DPP6: variants seen among roughly 807,000 people sequenced by gnomAD.
DPP6 encodes the protein dipeptidyl peptidase like 6, also known as A-type potassium channel modulatory protein DPP6.
In DPP6, 69 loss-of-function variants were observed where a neutral mutation model predicts 122.6. The ratio of observed to expected loss-of-function variants is 0.56; its 90% CI spans 0.46 to 0.69. DPP6 has a LOEUF of 0.69. Ranked by LOEUF, DPP6 falls within the 30% of genes least tolerant of loss-of-function variation. The pLI is 0.00. For synonymous variants in DPP6, 418 were observed against 433.1 expected, an observed-to-expected ratio of 0.97 and a Z score of 0.43; for missense variants, 928 against 1,116.9, an observed-to-expected ratio of 0.83 and a Z score of 2.41.
intron 1 of DPP6, among the ~76,000 whole-genome samples, chr7:154,177,067 C>T (rs1213779927): frequency 6.6e-6 from 1 of 152,138 alleles, no homozygotes; most frequent in Admixed American, 6.5e-5. Flanking sequence ...CTCCTGGGCT[C>T]AAGCGATTCT....
intron 17 of DPP6, among the ~76,000 whole-genome samples, chr7:154,859,763 A>AC (rs897520677): frequency 6.6e-6 from 1 of 152,206 alleles, no homozygotes; most frequent in Non-Finnish European, 1.5e-5. Context: ...GGATAAAAAA[A>AC]CCAACAAAAT....
At chr7:154,576,613 T>C (rs1831691364) in intron 5 of DPP6, among the ~76,000 whole-genome samples, 1 of 152,012 alleles carries the variant, frequency 6.6e-6, no homozygotes, top group African/African-American at 2.4e-5. Flanking sequence ...AGAGTGATGG[T>C]GGAGGAGTGG....
chr7:154,278,459 G>C (rs991329910), intron 1 of DPP6, among the ~76,000 whole-genome samples: 1 of 152,210 alleles, frequency 6.6e-6, no homozygotes, highest in Non-Finnish European at 1.5e-5. Flanking sequence ...ACTGCATCTT[G>C]ACGATGCAAA....
chr7:154,585,156 A>G (rs772838139), intron 5 of DPP6, among the ~76,000 whole-genome samples: 1 of 152,176 alleles, frequency 6.6e-6, no homozygotes, highest in Non-Finnish European at 1.5e-5. Context: ...AGGTCATATA[A>G]ATGGCATCAA....
chr7:154,800,720 C>T (rs956622814), intron 12 of DPP6, among the ~76,000 whole-genome samples: 1 of 152,172 alleles, frequency 6.6e-6, no homozygotes, highest in African/African-American at 2.4e-5. Flanking sequence ...CGAGGTGGAG[C>T]GTGTCCCTGG....
chr7:154,033,123 AAGCATTTATTTGCCCAGT>A (rs1350778548), intron 1 of DPP6, among the ~76,000 whole-genome samples: 35 of 152,188 alleles, frequency 2.3e-4, no homozygotes, highest in African/African-American at 5.5e-4. Context: ...AAAATCATAA[AAGCATTTATTTGCCCAGT>A]ACCCCACAAG....
chr7:153,917,271 T>A (rs1374488204), intron 1 of DPP6, among the ~76,000 whole-genome samples: 10 of 152,228 alleles, frequency 6.6e-5, no homozygotes, highest in Non-Finnish European at 2.9e-5. Flanking sequence ...ACAGTGCCTA[T>A]CACAGTTGGC....
intron 1 of DPP6, among the ~76,000 whole-genome samples, chr7:154,368,222 G>A (rs998414646): frequency 2.0e-5 from 3 of 152,290 alleles, no homozygotes; most frequent in Admixed American, 6.5e-5. Context: ...CGACTACTGC[G>A]ATGTATGCCA....
At chr7:154,329,386 T>C (rs1563489003) in intron 1 of DPP6, among the ~76,000 whole-genome samples, 2 of 152,234 alleles carry the variant, frequency 1.3e-5, no homozygotes, top group African/African-American at 4.8e-5. Flanking sequence ...GTTGGCTGCA[T>C]AAATGTCTTC....
chr7:154,154,903 CAG>C (rs1796607164), intron 1 of DPP6, among the ~76,000 whole-genome samples: 1 of 152,134 alleles, frequency 6.6e-6, no homozygotes, highest in African/African-American at 2.4e-5. Flanking sequence ...GGCAGAGAGA[CAG>C]ATGCCATTTT....
At position 153,888,554 on chromosome 7, in the gene DPP6, C is replaced by T. The variant is rs1799047398; in HGVS notation, c.51+820C>T. Among the ~76,000 whole-genome samples the T allele has an allele frequency of 2.0e-5, 3 of 152,226 alleles. 1 individual carries two copies. The South Asian group carries it at 6.2e-4, about 31-fold the overall frequency. ...AGTCCGGGGCACGGGGCCGAGGGGTCAGGGCGCTGGAGTCTCTGGCGAGGA... is the reference window on the plus strand; with the variant it reads ...AGTCCGGGGCACGGGGCCGAGGGGTTAGGGCGCTGGAGTCTCTGGCGAGGA... On this transcript the variant is annotated intron_variant, in intron 1 of 25. Transcript: ENST00000404039.
chr7:154,840,562 G>A (rs1056221440), intron 16 of DPP6, among the ~76,000 whole-genome samples: 39 of 152,128 alleles, frequency 2.6e-4, no homozygotes, highest in African/African-American at 4.8e-5. Context: ...GCGTTGTCTC[G>A]GGAAGCTGAG....
intron 5 of DPP6, 73 bp downstream of exon 5, chr7:154,566,989 G>C: frequency 9.0e-7 from 1 of 1,107,676 alleles, no homozygotes; most frequent in Non-Finnish European, 1.3e-6. Context: ...ATATTTCCTT[G>C]ACTCTTCTAT....
At chr7:153,832,131 T>C in the DPP6 span, among the ~76,000 whole-genome samples, 1 of 152,214 alleles carries the variant, frequency 6.6e-6, no homozygotes, top group East Asian at 1.9e-4. Flanking sequence ...ATATTATATC[T>C]GTTCTTCCTC....
chr7:154,001,262 A>G (rs1275255806), intron 1 of DPP6, among the ~76,000 whole-genome samples: 12 of 150,692 alleles, frequency 8.0e-5, no homozygotes, highest in African/African-American at 2.7e-4. Context: ...ATGTTTTCCT[A>G]ACATGCCTGG....
the DPP6 span, among the ~76,000 whole-genome samples, chr7:153,805,685 A>C: frequency 1.3e-5 from 2 of 152,196 alleles, no homozygotes; most frequent in African/African-American, 4.8e-5. Context: ...AAAAATCATA[A>C]GTTCATGTCC....
chr7:154,689,608 A>G (rs972306603), intron 7 of DPP6, among the ~76,000 whole-genome samples: 1 of 152,078 alleles, frequency 6.6e-6, no homozygotes, highest in African/African-American at 2.4e-5. Flanking sequence ...CATGGGTGAA[A>G]TTCGTCTACA....
intron 16 of DPP6, among the ~76,000 whole-genome samples, chr7:154,839,711 G>T (rs1311085199): frequency 6.6e-6 from 1 of 152,222 alleles, no homozygotes; most frequent in Non-Finnish European, 1.5e-5. Context: ...AGGTTTAGCA[G>T]GAAGACTGGG....
At chr7:154,843,069 TA>T (rs1227600458) in intron 16 of DPP6, among the ~76,000 whole-genome samples, 7 of 152,352 alleles carry the variant, frequency 4.6e-5, no homozygotes, top group Non-Finnish European at 8.8e-5. Context: ...ATCAGATATC[TA>T]ATATTTGACC....
Sources: gnomAD v4.1 joint callset for allele counts (sites outside exome capture counted in the v4.1 genomes callset) on GRCh38, gnomAD v4.1.1 for gene constraint, MANE v1.5 for transcripts, NCBI Gene and HGNC (gene_info 2026-07-23, HGNC 2026-07-21) for gene names.